Variants in VRK2 observed in about 807,000 individuals in gnomAD.
The protein encoded by VRK2 is VRK serine/threonine kinase 2.
A neutral mutation model predicts 57.6 loss-of-function variants in VRK2; 60 were observed. That is an observed-to-expected ratio of 1.04 (90% confidence interval 0.85 to 1.29). VRK2 has a LOEUF of 1.29. Ranked by LOEUF, VRK2 falls within the 50% of genes most tolerant of loss-of-function variation. VRK2 has a pLI of 0.00. For synonymous variants in VRK2, 231 were observed against 199.2 expected (o/e 1.16, Z -1.35); for missense variants, 705 against 588.1 (o/e 1.20, Z -2.06).
intron 7 of VRK2, among the ~76,000 whole-genome samples, chr2:58,095,496 A>G (rs1384956983): frequency 6.6e-6 from 1 of 151,932 alleles, no homozygotes; most frequent in Non-Finnish European, 1.5e-5. Context: ...CATATTTCTT[A>G]TTATGTTTGT....
chr2:57,997,856 A>G (rs900088284), intron 1 of VRK2, among the ~76,000 whole-genome samples: 7 of 151,884 alleles, frequency 4.6e-5, no homozygotes, highest in African/African-American at 1.7e-4. Context: ...CCAAGACCGC[A>G]CTACTGCACT....
chr2:57,925,882 T>G (rs1489638716), intron 1 of VRK2, among the ~76,000 whole-genome samples: 1 of 152,028 alleles, frequency 6.6e-6, no homozygotes, highest in Non-Finnish European at 1.5e-5. Context: ...AACTTTCCTC[T>G]TAGCGCTGCT....
chr2:58,107,051 G>T (rs917980132), intron 7 of VRK2, among the ~76,000 whole-genome samples: 2 of 152,074 alleles, frequency 1.3e-5, no homozygotes, highest in African/African-American at 2.4e-5. Context: ...TGTTTTAACA[G>T]ATATGAGTGA....
Position 58,062,764 on chromosome 2 carries a change from G to A in VRK2, c.136+13797G>A, listed in dbSNP as rs186440342. 2.6e-5 allele frequency among the ~76,000 whole-genome samples: 4 copies of A among 152,188 alleles called. No individual in the cohort carries two copies. The East Asian group carries it at 7.7e-4, about 29-fold the overall frequency. ...CAAAGGTTGGTTCATGAGGTTTTAAGGAAAGAAGTCATCTCCAAAACATAA... is the reference window on the plus strand; with the variant it reads ...CAAAGGTTGGTTCATGAGGTTTTAAAGAAAGAAGTCATCTCCAAAACATAA... On this transcript the variant is annotated intron_variant, in intron 2 of 12. Coordinates refer to ENST00000340157, the MANE Select transcript of VRK2 (RefSeq NM_006296.7).
At chr2:57,980,258 A>AT (rs1356745439) in intron 1 of VRK2, among the ~76,000 whole-genome samples, 2 of 151,996 alleles carry the variant, frequency 1.3e-5, no homozygotes, top group African/African-American at 2.4e-5. Context: ...GTTTCAAAGA[A>AT]TTTTTTTTAT....
intron 1 of VRK2, among the ~76,000 whole-genome samples, chr2:57,971,345 A>G (rs766693349): frequency 1.3e-5 from 2 of 151,998 alleles, no homozygotes; most frequent in Non-Finnish European, 2.9e-5. Context: ...GGTATATACA[A>G]TTCAAGACTT....
chr2:57,982,586 G>C (rs1369462248), intron 1 of VRK2, among the ~76,000 whole-genome samples: 1 of 152,170 alleles, frequency 6.6e-6, no homozygotes, highest in Admixed American at 6.5e-5. Context: ...CTGAAGGTTA[G>C]GTGGGGTCTG....
intron 1 of VRK2, among the ~76,000 whole-genome samples, chr2:57,924,541 G>C (rs989349141): frequency 1.3e-5 from 2 of 151,946 alleles, no homozygotes; most frequent in Admixed American, 6.6e-5. Context: ...ATATAGAAAT[G>C]CTACTGATTT....
chr2:58,016,750 A>T (rs1310599067), intron 1 of VRK2, among the ~76,000 whole-genome samples: 1 of 152,030 alleles, frequency 6.6e-6, no homozygotes, highest in Non-Finnish European at 1.5e-5. Flanking sequence ...TGTTTTCTAG[A>T]CTCTCGTGGA....
chr2:58,045,135 G>A (rs978387049), upstream of VRK2, among the ~76,000 whole-genome samples: 6 of 152,306 alleles, frequency 3.9e-5, no homozygotes, highest in African/African-American at 1.4e-4. Flanking sequence ...TTATTTAAGC[G>A]TTAAGGATCA....
At chr2:58,145,034 G>T (rs1176435825) in intron 11 of VRK2, among the ~76,000 whole-genome samples, 1 of 151,916 alleles carries the variant, frequency 6.6e-6, no homozygotes, top group African/African-American at 2.4e-5. Context: ...TCCCCTTTGT[G>T]CTGTTCCTAT....
chr2:58,032,432 C>A (rs1346975197), intron 2 of VRK2, among the ~76,000 whole-genome samples: 2 of 152,042 alleles, frequency 1.3e-5, no homozygotes, highest in African/African-American at 2.4e-5. Context: ...CCTTCCGTGG[C>A]AGAAAAGGGA....
chr2:58,074,581 G>C (rs182025452), intron 2 of VRK2, among the ~76,000 whole-genome samples: 1 of 151,944 alleles, frequency 6.6e-6, no homozygotes, highest in African/African-American at 2.4e-5. Flanking sequence ...ATTCTCTCCT[G>C]TCTCTTGCTG....
At chr2:57,924,802 T>A (rs1670477539) in intron 1 of VRK2, among the ~76,000 whole-genome samples, 1 of 152,026 alleles carries the variant, frequency 6.6e-6, no homozygotes, top group South Asian at 2.1e-4. Context: ...GGAAAGGCTT[T>A]TAGTTTTTCC....
intron 1 of VRK2, among the ~76,000 whole-genome samples, chr2:58,008,043 A>G (rs1261252344): frequency 1.3e-5 from 2 of 152,126 alleles, no homozygotes; most frequent in Admixed American, 6.6e-5. Context: ...AACCACAAGA[A>G]AAAAACCTTT....
chr2:57,952,927 T>C (rs1671473140), intron 1 of VRK2, among the ~76,000 whole-genome samples: 1 of 152,136 alleles, frequency 6.6e-6, no homozygotes, highest in Admixed American at 6.6e-5. Context: ...TAGAAGACAA[T>C]GATACCTTCA....
Position 58,075,265 on chromosome 2 carries a change from G to A in VRK2, c.137-8824G>A, listed in dbSNP as rs542810693. Among the ~76,000 whole-genome samples the A allele has an allele frequency of 2.6e-5, 4 of 152,152 alleles. No homozygotes were observed. In the South Asian group the frequency reaches 8.3e-4, roughly 32 times the overall value. ...CTGTGTAGTATTCCGTAGTGTATAT[G>A]TACCACACTTTCTTTATATAGTTCA... On this transcript the variant is annotated intron_variant, in intron 2 of 12. Coordinates refer to ENST00000340157, the MANE Select transcript of VRK2 (RefSeq NM_006296.7).
At chr2:58,132,574 G>C (rs945205014) in intron 9 of VRK2, among the ~76,000 whole-genome samples, 8 of 152,148 alleles carry the variant, frequency 5.3e-5, no homozygotes. Context: ...CTAAGAAAAA[G>C]TCAATTGCAT....
At chr2:58,000,267 CA>C (rs1673050997) in intron 1 of VRK2, among the ~76,000 whole-genome samples, 1 of 152,154 alleles carries the variant, frequency 6.6e-6, no homozygotes, top group Admixed American at 6.5e-5. Context: ...AGGTTAATTA[CA>C]AAAGTCCCTC....
Sources: gnomAD v4.1 joint callset for allele counts (sites outside exome capture counted in the v4.1 genomes callset) on GRCh38, gnomAD v4.1.1 for gene constraint, MANE v1.5 for transcripts, NCBI Gene and HGNC (gene_info 2026-07-23, HGNC 2026-07-21) for gene names.